Variants in LRFN5 observed in about 807,000 individuals in gnomAD.
The protein encoded by LRFN5 is leucine-rich repeat and fibronectin type-III domain-containing protein 5.
LRFN5 carries 24 observed loss-of-function variants against 45.6 expected under a neutral mutation model. The observed-to-expected ratio is 0.53, with a 90% confidence interval of 0.38 to 0.74. The LOEUF (loss-of-function observed/expected upper bound fraction) is 0.74, where lower values mean the gene tolerates loss of function less well. Among genes scored for constraint, LRFN5 ranks in the 30% least tolerant of loss-of-function variants. LRFN5 has a pLI of 0.00. For missense variants in LRFN5, 776 were observed against 861.5 expected, an observed-to-expected ratio of 0.90 and a Z score of 1.24; for synonymous variants, 340 against 313.8, an observed-to-expected ratio of 1.08 and a Z score of -0.88.
intron 1 of LRFN5, among the ~76,000 whole-genome samples, chr14:41,752,731 T>A (rs892313571): frequency 2.6e-5 from 4 of 152,224 alleles, no homozygotes; most frequent in Admixed American, 2.0e-4. Flanking sequence ...TTCACTCTGA[T>A]GGTAGTTTCT....
At chr14:41,609,988 T>C in intron 1 of LRFN5, 1 of 152,626 alleles carries the variant, frequency 6.6e-6, no homozygotes, top group Non-Finnish European at 1.5e-5. Flanking sequence ...GAGTCTGGGC[T>C]CGGCTGCTGC....
At chr14:41,689,386 C>G (rs1192670022) in intron 1 of LRFN5, among the ~76,000 whole-genome samples, 2 of 151,980 alleles carry the variant, frequency 1.3e-5, no homozygotes, top group Non-Finnish European at 2.9e-5. Context: ...GAAAACATGA[C>G]TTTGATTACA....
chr14:41,673,852 A>C (rs1418256963), intron 1 of LRFN5, among the ~76,000 whole-genome samples: 67 of 108,208 alleles, frequency 6.2e-4, no homozygotes, highest in Middle Eastern at 7.7e-3. Context: ...GGGGGGCTGA[A>C]CCCCCTACCT....
chr14:41,791,185 TA>T (rs568130951), intron 2 of LRFN5, among the ~76,000 whole-genome samples: 3 of 151,996 alleles, frequency 2.0e-5, no homozygotes, highest in South Asian at 4.2e-4. Flanking sequence ...GTGTTTTTTT[TA>T]AAAAAAGTAT....
At chr14:41,843,406 A>G (rs78126980) in intron 2 of LRFN5, among the ~76,000 whole-genome samples, 1,976 of 152,256 alleles carry the variant, frequency 0.013, 19 homozygotes, top group Non-Finnish European at 0.018. Context: ...TATCCTTCAT[A>G]AGCAGAACTT....
At chr14:41,795,764 C>T (rs1199985288) in intron 2 of LRFN5, among the ~76,000 whole-genome samples, 1 of 148,980 alleles carries the variant, frequency 6.7e-6, no homozygotes, top group Non-Finnish European at 1.5e-5. Context: ...CATCACACAC[C>T]AGGGCCTGTC....
chr14:41,688,051 G>A (rs1465640718), intron 1 of LRFN5, among the ~76,000 whole-genome samples: 3 of 152,086 alleles, frequency 2.0e-5, no homozygotes, highest in Non-Finnish European at 4.4e-5. Context: ...TGTTAAGTGT[G>A]GTAAACCAGG....
intron 2 of LRFN5, among the ~76,000 whole-genome samples, chr14:41,854,402 C>T (rs1316246970): frequency 6.6e-6 from 1 of 151,748 alleles, no homozygotes; most frequent in Non-Finnish European, 1.5e-5. Context: ...AGGAGATATA[C>T]CTAATGTAAA....
rs115241823 is a variant in LRFN5, at chr14:41,638,928, A to G, written c.-197+30366A>G. ...ATAGATAGAAGTAATTTATATTTGT[A>G]CATAACTTTGGCATCTGCTAGAAAA... On this transcript the variant is annotated intron_variant, in intron 1 of 5. Coordinates refer to ENST00000298119, the MANE Select transcript of LRFN5 (RefSeq NM_152447.5). 2.5e-3 allele frequency among the ~76,000 whole-genome samples: 388 copies of G among 152,204 alleles called. 2 individuals carry two copies. The highest frequency in any genetic ancestry group is 8.9e-3 in the African/African-American group (371 of 41,548).
chr14:41,787,449 T>C, intron 2 of LRFN5, among the ~76,000 whole-genome samples: 1 of 151,994 alleles, frequency 6.6e-6, no homozygotes, highest in East Asian at 1.9e-4. Context: ...ACTCTTTTTT[T>C]AGCAATTAAA....
At chr14:41,737,961 C>T (rs1231410119) in intron 1 of LRFN5, among the ~76,000 whole-genome samples, 1 of 152,154 alleles carries the variant, frequency 6.6e-6, no homozygotes, top group African/African-American at 2.4e-5. Flanking sequence ...TCCCATCAAG[C>T]TACCATTGAT....
At chr14:41,878,383 A>G (rs1055571056) in intron 2 of LRFN5, among the ~76,000 whole-genome samples, 16 of 152,130 alleles carry the variant, frequency 1.1e-4, no homozygotes, top group Non-Finnish European at 5.9e-5. Flanking sequence ...AATTGCTACC[A>G]TATTGGTTTC....
chr14:41,872,082 A>G (rs962246899), intron 2 of LRFN5, among the ~76,000 whole-genome samples: 1 of 152,220 alleles, frequency 6.6e-6, no homozygotes, highest in African/African-American at 2.4e-5. Flanking sequence ...CTGAATGAAC[A>G]GTGCCTACCT....
chr14:41,873,407 GAGAGAGAGAGAC>G (rs1192973768), intron 2 of LRFN5, among the ~76,000 whole-genome samples: 4 of 110,516 alleles, frequency 3.6e-5, no homozygotes, highest in African/African-American at 1.0e-4. Flanking sequence ...AGAGGAGAAA[GAGAGAGAGAGAC>G]AGAGAGAGAG....
intron 2 of LRFN5, among the ~76,000 whole-genome samples, chr14:41,790,478 ATTTAT>A (rs1281681034): frequency 6.6e-6 from 1 of 150,654 alleles, no homozygotes; most frequent in Non-Finnish European, 1.5e-5. Flanking sequence ...TACTCCCATA[ATTTAT>A]TTTAATATGT....
chr14:41,841,037 C>G (rs1460796922), intron 2 of LRFN5, among the ~76,000 whole-genome samples: 1 of 151,274 alleles, frequency 6.6e-6, no homozygotes. Context: ...AATCCAAACC[C>G]ACAATCAACA....
chr14:41,687,581 C>G (rs1469947146), intron 1 of LRFN5, among the ~76,000 whole-genome samples: 1 of 152,116 alleles, frequency 6.6e-6, no homozygotes, highest in South Asian at 2.1e-4. Context: ...AGATATGGAA[C>G]CAACTCAAAT....
At chr14:41,892,072 A>G in intron 4 of LRFN5, 110 bp downstream of exon 4, 1 of 1,478,960 alleles carries the variant, frequency 6.8e-7, no homozygotes, top group Non-Finnish European at 8.9e-7. Context: ...ACACATGTGG[A>G]CTGTTTCCTA....
chr14:41,794,390 A>G (rs926555205), intron 2 of LRFN5, among the ~76,000 whole-genome samples: 2 of 152,054 alleles, frequency 1.3e-5, no homozygotes, highest in Non-Finnish European at 2.9e-5. Context: ...TTAAAAATTA[A>G]GTTCAAATAT....
Sources: gnomAD v4.1 joint callset for allele counts (sites outside exome capture counted in the v4.1 genomes callset) on GRCh38, gnomAD v4.1.1 for gene constraint, MANE v1.5 for transcripts, NCBI Gene and HGNC (gene_info 2026-07-23, HGNC 2026-07-21) for gene names.